Variants in RBP3 observed in about 807,000 individuals in gnomAD.
RBP3 encodes retinol binding protein 3, also known as retinol-binding protein 3.
Under a neutral mutation model 64.8 loss-of-function variants are expected in RBP3, and 50 were observed. The ratio of observed to expected loss-of-function variants is 0.77; its 90% CI spans 0.61 to 0.98. RBP3 has a LOEUF of 0.98. Ranked by LOEUF, RBP3 falls within the 50% of genes least tolerant of loss-of-function variation. The pLI, the probability that RBP3 is intolerant of heterozygous loss-of-function variation, is 0.00. For missense variants in RBP3, 1,712 were observed against 1,660.5 expected, an observed-to-expected ratio of 1.03 and a Z score of -0.54; for synonymous variants, 828 against 730.2, an observed-to-expected ratio of 1.13 and a Z score of -2.16.
At chr10:47,353,252 A>G (rs2070706) in intron 1 of RBP3, 73 bp from the exon 2 acceptor site, 916,537 of 1,393,904 alleles carry the variant, frequency 0.66, 303,657 homozygotes, top group Admixed American at 0.72. Context: ...AATATTTCCC[A>G]TGGCGCCTGC....
Position 47,357,156 on chromosome 10 carries a change from C to A in RBP3, c.3443C>A (p.Ala1148Asp). The A allele has an allele frequency of 1.9e-6, 3 of 1,613,348 alleles. No individual in the cohort carries two copies. The highest frequency in any genetic ancestry group is 2.5e-6 in the Non-Finnish European group (3 of 1,179,926). The change falls in exon 4 of 4, where the codon GCC becomes GAC. Residue 1148 changes from alanine to aspartate, a missense_variant. Coordinates refer to ENST00000584701, the MANE Select transcript of RBP3 (RefSeq NM_002900.3). ...SMVILTSSVT[A>D]GTAEEFTYIM... ...GTCATTCTGACCAGCAGTGTGACGG[C>A]CGGCACCGCGGAGGAGTTCACCTAT...
In RBP3 at chr10:47,349,244, G is replaced by C. The variant is rs782150414; in HGVS notation, c.760G>C (p.Val254Leu). 5.0e-6 allele frequency: 8 copies of C among 1,613,308 alleles called. No individual in the cohort carries two copies. The highest frequency in any genetic ancestry group is 2.2e-5 in the East Asian group (1 of 44,882). The change falls in exon 1 of 4, where the codon GTG becomes CTG. Residue 254 changes from valine to leucine, a missense_variant. Physicochemically the swap from Val to Leu is conservative, Grantham distance 32 (BLOSUM62 1). Transcript: ENST00000584701. Reference sequence around the variant, plus strand: ...CCTTAAGCAGATGCGCAGGGCCATCGTGGTGGGCGAGCGGACTGGGGGAGG... The same window carrying C: ...CCTTAAGCAGATGCGCAGGGCCATCCTGGTGGGCGAGCGGACTGGGGGAGG... ...HILKQMRRAI[V>L]VGERTGGGAL...
rs202047317 is a variant in RBP3 at position 47,357,165 on chromosome 10, C to T, written c.3452C>T (p.Ala1151Val). The T allele has an allele frequency of 9.9e-6, 16 of 1,613,580 alleles. No homozygotes were observed. The highest frequency in any genetic ancestry group is 5.3e-5 in the African/African-American group (4 of 75,042). ...ILTSSVTAGT[A>V]EEFTYIMKRL... is the part of the protein sequence containing the mutation. ...ACCAGCAGTGTGACGGCCGGCACCG[C>T]GGAGGAGTTCACCTATATCATGAAG... Residue 1151 changes from alanine to valine, a missense_variant, in exon 4 of 4, where the codon GCG becomes GTG. Coordinates refer to ENST00000584701, the MANE Select transcript of RBP3 (RefSeq NM_002900.3).
At position 47,351,302 on chromosome 10, in the gene RBP3, G is replaced by T; in HGVS notation, c.2818G>T (p.Val940Leu). Residue 940 changes from valine to leucine, a missense_variant, in exon 1 of 4, where the codon GTG becomes TTG. By Grantham distance (32) the Val-to-Leu change is conservative (BLOSUM62 1). Transcript: ENST00000584701. The stretch of plus-strand genomic sequence containing the variant: ...GGCTCTGCGTGCCAAGGTGCCCACG[G>T]TGCTGCAGACGGCCGGGAAGCTGGT... ...IVALRAKVPT[V>L]LQTAGKLVAD... The T allele has an allele frequency of 6.2e-7, 1 of 1,613,540 alleles. No homozygotes were observed. The highest frequency in any genetic ancestry group is 8.5e-7 in the Non-Finnish European group (1 of 1,180,042).
chr10:47,351,073 G>C lies in RBP3; in HGVS notation c.2589G>C (p.Gln863His). ...TTGCACACACCATGCAGGACCTGCA[G>C]CGGGCCACGGTCATTGGGGAGCCCA... ...EAFAHTMQDL[Q>H]RATVIGEPTA... The change falls in exon 1 of 4, where the codon CAG becomes CAC. Residue 863 changes from glutamine to histidine, a missense_variant. Physicochemically the swap from Gln to His is conservative, Grantham distance 24. Coordinates refer to ENST00000584701, the MANE Select transcript of RBP3 (RefSeq NM_002900.3). The C allele has an allele frequency of 1.2e-6, 2 of 1,611,996 alleles. No homozygotes were observed. Among genetic ancestry groups the C allele is most frequent in the Non-Finnish European group, 1.7e-6 (2 of 1,179,920 alleles).
In RBP3 at chr10:47,348,803, A is replaced by G; in HGVS notation, c.319A>G (p.Ser107Gly). 1 of 1,613,744 alleles carries G rather than the reference A, an allele frequency of 6.2e-7. No individual in the cohort carries two copies. The highest frequency in any genetic ancestry group is 8.5e-7 in the Non-Finnish European group (1 of 1,180,034). ...TCCCCCACAAGTCCCAGCACTCACC[A>G]GCCTCTCAGAAGAGGAACTGCTTGC... ...EPPPQVPALTSLSEEELLAWL... is the reference protein window; with the variant it reads ...EPPPQVPALTGLSEEELLAWL... The change falls in exon 1 of 4, where the codon AGC (serine) becomes GGC (glycine). Residue 107 changes from serine to glycine, a missense_variant. By Grantham distance (56) the Ser-to-Gly change is moderately conservative. Coordinates refer to ENST00000584701, the MANE Select transcript of RBP3 (RefSeq NM_002900.3).
chr10:47,357,306 TGGGGGCCTCGGATGGCA>T lies in RBP3; in HGVS notation c.3595_3611del (p.Gly1199LeufsTer83). The T allele has an allele frequency of 6.2e-7, 1 of 1,614,082 alleles. No homozygotes were observed. On this transcript the variant is annotated frameshift_variant, in exon 4 of 4. Transcript: ENST00000584701. LOFTEE classifies it low-confidence loss of function (END_TRUNC). ...CTCACTATCCCCACGGCCCGTTCTGTGGGGGCCTCGGATGGCAGCTCCTGGGAAGGGGTGGGGGTGAC... is the reference window on the plus strand; with the variant it reads ...CTCACTATCCCCACGGCCCGTTCTGTGCTCCTGGGAAGGGGTGGGGGTGAC...
Position 47,349,939 on chromosome 10 carries a change from A to T in RBP3, c.1455A>T (p.Pro485=). 6.2e-7 allele frequency: 1 copy of T among 1,612,392 alleles called. No individual in the cohort carries two copies. The highest frequency in any genetic ancestry group is 8.5e-7 in the Non-Finnish European group (1 of 1,179,342). ...ACCTGCGCCACAACCCTGGAGGGCC[A>T]TCCTCTGCTGTGCCCCTGCTCCTGT... ...IMDLRHNPGG[P]SSAVPLLLSY... The change falls in exon 1 of 4, where the codon CCA becomes CCT. Residue 485 remains proline (P), a synonymous_variant. Transcript: ENST00000584701.
At position 47,348,409 on chromosome 10, in the gene RBP3, GCAC is replaced by G; in HGVS notation, c.-75_-73del. The G allele has an allele frequency of 6.6e-7, 1 of 1,522,126 alleles. No individual in the cohort carries two copies. Among genetic ancestry groups the G allele is most frequent in the Non-Finnish European group, 8.9e-7 (1 of 1,125,690 alleles). 94.3% of individuals were successfully genotyped at this position (1,522,126 alleles called of 1,614,324 possible). ...AGAAGGACAAGGGCGGAAGGCAGCTGCACAGAGCAGGGCCACGGCCTTGCACAC... is the reference window on the plus strand; with the variant it reads ...AGAAGGACAAGGGCGGAAGGCAGCTGAGAGCAGGGCCACGGCCTTGCACAC... On this transcript the variant is annotated 5_prime_UTR_variant, in exon 1 of 4. Transcript: ENST00000584701.
In RBP3 at chr10:47,349,631, C is replaced by G. The variant is rs1555211148; in HGVS notation, c.1147C>G (p.Pro383Ala). ...NAGLQAASED[P>A]RLLVRAIGPT... ...CGGCCTGCAGGCTGCGTCTGAGGATCCCAGGCTCCTGGTGCGAGCCATCGG... is the reference window on the plus strand; with the variant it reads ...CGGCCTGCAGGCTGCGTCTGAGGATGCCAGGCTCCTGGTGCGAGCCATCGG... The change falls in exon 1 of 4, where the codon CCC becomes GCC. Residue 383 changes from proline (P) to alanine (A), a missense_variant. By Grantham distance (27) the Pro-to-Ala change is conservative (BLOSUM62 -1). Transcript: ENST00000584701. The G allele has an allele frequency of 1.2e-6, 2 of 1,612,592 alleles. No individual in the cohort carries two copies. The highest frequency in any genetic ancestry group is 1.7e-6 in the Non-Finnish European group (2 of 1,180,012).
In RBP3 at chr10:47,350,455, G is replaced by A. The variant is rs1836949802; in HGVS notation, c.1971G>A (p.Val657=). The A allele has an allele frequency of 6.2e-7, 1 of 1,612,412 alleles. No individual in the cohort carries two copies. Among genetic ancestry groups the A allele is most frequent in the South Asian group, 1.1e-5 (1 of 91,068 alleles). ...CCCACTATGCTCGGCCAGAGGTCGT[G>A]GGGCAGACCAGTGCCCTCCTGCGGG... The part of the protein sequence containing the change: ...LEAHYARPEV[V]GQTSALLRAK... The change falls in exon 1 of 4, where the codon GTG becomes GTA. Residue 657 remains valine (V), a synonymous_variant. Transcript: ENST00000584701.
In RBP3 at chr10:47,357,731, G is replaced by T; in HGVS notation, c.*274G>T. The stretch of plus-strand genomic sequence containing the variant: ...CCTTCTAAGTGGTAGAACTTGGGGT[G>T]GTATTTTTACCTTCCTTCTTCATAC... On this transcript the variant is annotated 3_prime_UTR_variant, in exon 4 of 4. Transcript: ENST00000584701. 3.1e-6 allele frequency: 1 copy of T among 327,794 alleles called. No individual in the cohort carries two copies. The highest frequency in any genetic ancestry group is 5.5e-6 in the Non-Finnish European group (1 of 180,582). The allele number at this position is 327,794 out of a possible 1,614,324, so 20.3% of individuals were successfully genotyped here.
intron 2 of RBP3, 97 bp from the exon 3 acceptor site, chr10:47,355,279 A>T: frequency 6.6e-7 from 1 of 1,510,154 alleles, no homozygotes. Context: ...CAAGAATTAG[A>T]ACCCTCCATG....
rs782198275 is a variant in RBP3, at chr10:47,357,442, G to C, written c.3729G>C (p.Leu1243=). 1.2e-6 allele frequency: 2 copies of C among 1,611,662 alleles called. No individual in the cohort carries two copies. Among genetic ancestry groups the C allele is most frequent in the Admixed American group, 3.3e-5 (2 of 59,764 alleles). The change falls in exon 4 of 4, where the codon CTG becomes CTC. Residue 1243 remains leucine, a synonymous_variant. Transcript: ENST00000584701. ...TGAGGGTGAAGCGGAGCCCAGGCCT[G>C]CAGGACCACCTGTAGGGAAGGGCCC... The part of the protein sequence containing the change: ...NQLRVKRSPG[L]QDHL
Position 47,350,382 on chromosome 10 carries a change from A to C in RBP3, c.1898A>C (p.His633Pro). Residue 633 changes from histidine to proline, a missense_variant, in exon 1 of 4, where the codon CAC (histidine) becomes CCC (proline). Physicochemically the swap from His to Pro is moderately conservative, Grantham distance 77 (BLOSUM62 -2). Transcript: ENST00000584701. ...AAAGCCCAGGAAGTGCTGGAGTTCC[A>C]CCAAAGCCTGGGGGCCTTGGTGGAG... is the stretch of plus-strand genomic sequence containing the variant. ...LDKAQEVLEF[H>P]QSLGALVEGT... The C allele has an allele frequency of 6.2e-7, 1 of 1,612,464 alleles. No homozygotes were observed. The highest frequency in any genetic ancestry group is 1.1e-5 in the South Asian group (1 of 91,078).
intron 2 of RBP3, 94 bp from the exon 3 acceptor site, chr10:47,355,282 C>T (rs1837029969): frequency 6.5e-7 from 1 of 1,528,766 alleles, no homozygotes; most frequent in Non-Finnish European, 9.0e-7. Context: ...GAATTAGAAC[C>T]CTCCATGGGA....
intron 3 of RBP3, among the ~76,000 whole-genome samples, chr10:47,356,410 G>A (rs958281875): frequency 8.6e-5 from 13 of 151,998 alleles, no homozygotes; most frequent in Middle Eastern, 3.2e-3. Flanking sequence ...AGCCACCTGC[G>A]GCCACCAAGC....
rs373417235 is a variant in RBP3 at position 47,348,604 on chromosome 10, C to T, written c.120C>T (p.Cys40=). The T allele has an allele frequency of 4.7e-4, 758 of 1,613,366 alleles. 1 individual carries two copies. Among genetic ancestry groups the T allele is most frequent in the Non-Finnish European group, 3.2e-4 (381 of 1,180,048 alleles). ...CCAAGGTCCTCTTGGATAACTACTG[C>T]TTCCCGGAGAACCTGCTGGGCATGC... The part of the protein sequence containing the change: ...DMAKVLLDNY[C]FPENLLGMQE... Residue 40 remains cysteine, a synonymous_variant, in exon 1 of 4, where the codon TGC becomes TGT. Coordinates refer to ENST00000584701, the MANE Select transcript of RBP3 (RefSeq NM_002900.3).
chr10:47,351,679 T>G, intron 1 of RBP3, 141 bp downstream of exon 1: 1 of 1,078,526 alleles, frequency 9.3e-7, no homozygotes, highest in South Asian at 1.3e-5. Context: ...GGTCAAGTCC[T>G]TTCCTCTTTC....
Sources: allele counts gnomAD v4.1 joint callset (sites outside exome capture counted in the v4.1 genomes callset), GRCh38; gene constraint gnomAD v4.1.1; transcripts MANE v1.5; gene names NCBI Gene and HGNC (gene_info 2026-07-23, HGNC 2026-07-21).